Variants in ZNFX1 observed in about 807,000 individuals in gnomAD.
ZNFX1 encodes the protein NFX1-type zinc finger-containing protein 1.
ZNFX1 carries 78 observed loss-of-function variants against 179.8 expected under a neutral mutation model. The observed-to-expected ratio is 0.43, with a 90% CI of 0.36 to 0.52. The LOEUF (loss-of-function observed/expected upper bound fraction) is 0.52, where lower values mean the gene tolerates loss of function less well. Among genes scored for constraint, ZNFX1 ranks in the 20% least tolerant of loss-of-function variants. The pLI is 0.00. For missense variants in ZNFX1, 1,927 were observed against 2,386.6 expected (o/e 0.81, Z 4.01); for synonymous variants, 848 against 868.5 (o/e 0.98, Z 0.42).
At chr20:49,255,052 T>C (rs900714703) in intron 9 of ZNFX1, among the ~76,000 whole-genome samples, 1 of 151,432 alleles carries the variant, frequency 6.6e-6, no homozygotes, top group African/African-American at 2.4e-5. Context: ...CTTTTTTTTT[T>C]TTTTTTTTAA....
Position 49,255,885 on chromosome 20 carries a change from G to A in ZNFX1, c.2727C>T (p.Asn909=), listed in dbSNP as rs375973607. 3 of 1,614,184 alleles carry A rather than the reference G, an allele frequency of 1.9e-6. No individual in the cohort carries two copies. In the African/African-American group the frequency reaches 4.0e-5, roughly 22 times the overall value. Residue 909 remains asparagine, a synonymous_variant, in exon 9 of 14, where the codon AAC becomes AAT. Transcript: ENST00000396105. ...KRVKDELRKL[N]TMTAAEANEI... ...CGTTGGCCTCGGCTGCAGTCATGGT[G>A]TTCAGTTTGCGAAGCTCATCCTTCA... is the stretch of plus-strand genomic sequence containing the variant.
intron 11 of ZNFX1, 78 bp downstream of exon 11, chr20:49,253,588 A>G (rs1339855124): frequency 6.4e-7 from 1 of 1,567,642 alleles, no homozygotes; most frequent in Admixed American, 1.8e-5. Context: ...GGACTGTTGA[A>G]GCAGAGGCCA....
rs139644193 is a variant in ZNFX1 at position 49,249,611 on chromosome 20, A to G, written c.3413T>C (p.Val1138Ala). ...GCACAGGAAGTACTTGCACAGCTCT[A>G]CCACAAAGTGAGCCTCATGCTGGTT... ...HQNQHEAHFV[V>A]ELCKYFLCQE... The change falls in exon 14 of 14, where the codon GTA becomes GCA. Residue 1138 changes from valine to alanine, a missense_variant. Val to Ala is a moderately conservative substitution (Grantham distance 64). Transcript: ENST00000396105. 33 of 1,614,114 alleles carry G rather than the reference A, an allele frequency of 2.0e-5. No homozygotes were observed. In the East Asian group the frequency reaches 6.0e-4, roughly 29 times the overall value.
intron 2 of ZNFX1, among the ~76,000 whole-genome samples, chr20:49,273,154 A>C (rs950500170): frequency 2.0e-5 from 3 of 151,944 alleles, no homozygotes; most frequent in African/African-American, 7.3e-5. Flanking sequence ...ATTTTTTGAG[A>C]GGGAGTCTGG....
chr20:49,271,506 G>A lies in ZNFX1; in HGVS notation c.306C>T (p.Asp102=). 2 of 1,614,168 alleles carry A rather than the reference G, an allele frequency of 1.2e-6. No homozygotes were observed. Among genetic ancestry groups the A allele is most frequent in the Non-Finnish European group, 1.7e-6 (2 of 1,180,022 alleles). The stretch of plus-strand genomic sequence containing the variant: ...CCTGGTTGCCATTTCTCCACCTGGT[G>A]TCATTCTCCTGGTCATGTCTTTGGT... The part of the protein sequence containing the change: ...ARDQRHDQEN[D]TRWRNGNQDC... Residue 102 remains aspartate (D), a synonymous_variant, in exon 3 of 14, where the codon GAC becomes GAT. Coordinates refer to ENST00000396105, the MANE Select transcript of ZNFX1 (RefSeq NM_021035.3).
chr20:49,264,738 T>G lies in ZNFX1; in HGVS notation c.2129A>C (p.His710Pro). 1 of 1,614,004 alleles carries G rather than the reference T, an allele frequency of 6.2e-7. No individual in the cohort carries two copies. ...TACACTCATGTAGGCCCTTCGGAGGTGCATGGGGAGGTTGCGGCGGAATTC... is the reference window on the plus strand; with the variant it reads ...TACACTCATGTAGGCCCTTCGGAGGGGCATGGGGAGGTTGCGGCGGAATTC... ...KREFRRNLPM[H>P]LRRAYMSIMT... The change falls in exon 5 of 14, where the codon CAC becomes CCC. Residue 710 changes from histidine (H) to proline (P), a missense_variant. Physicochemically the swap from His to Pro is moderately conservative, Grantham distance 77. Coordinates refer to ENST00000396105, the MANE Select transcript of ZNFX1 (RefSeq NM_021035.3).
intron 12 of ZNFX1, among the ~76,000 whole-genome samples, chr20:49,251,988 C>T (rs957658992): frequency 3.3e-5 from 5 of 151,892 alleles, no homozygotes; most frequent in African/African-American, 4.8e-5. Flanking sequence ...TGAGGCACCA[C>T]GCCTGGCTAA....
chr20:49,247,014 G>T lies in ZNFX1; in HGVS notation c.*253C>A. Reference sequence around the variant, plus strand: ...CTCCCAAGTAGCTGGGATTACAGGCGCCCGCCATAACGCCCAGCTAATTTT... The same window carrying T: ...CTCCCAAGTAGCTGGGATTACAGGCTCCCGCCATAACGCCCAGCTAATTTT... On this transcript the variant is annotated 3_prime_UTR_variant, in exon 14 of 14. Coordinates refer to ENST00000396105, the MANE Select transcript of ZNFX1 (RefSeq NM_021035.3). 11 of 456,590 alleles carry T rather than the reference G, an allele frequency of 2.4e-5. No homozygotes were observed. The highest frequency in any genetic ancestry group is 2.3e-4 in the South Asian group (11 of 48,680). The allele number at this position is 456,590 out of a possible 1,614,324, so 28.3% of individuals were successfully genotyped here. A position where few individuals can be genotyped will look rare whatever the true frequency, so the allele number is the denominator to read the frequency against.
rs1457196193 is a variant in ZNFX1, at chr20:49,266,365, A to G, written c.1871-99T>C. The G allele has an allele frequency of 8.0e-6, 9 of 1,128,596 alleles. No individual in the cohort carries two copies. In the East Asian group the frequency reaches 1.9e-4, roughly 23 times the overall value. 69.9% of individuals were successfully genotyped at this position (1,128,596 alleles called of 1,614,324 possible). On this transcript the variant is annotated intron_variant, in intron 3 of 13. Transcript: ENST00000396105. The stretch of plus-strand genomic sequence containing the variant: ...TTTTTTAAATTTAATATAATACATT[A>G]AGATAGTTTAAAATCTAAGAAGCGT...
chr20:49,247,448 T>C lies in ZNFX1; in HGVS notation c.5576A>G (p.Asp1859Gly), dbSNP rs1568980071. 1.9e-6 allele frequency: 3 copies of C among 1,613,978 alleles called. No homozygotes were observed. Among genetic ancestry groups the C allele is most frequent in the Admixed American group, 1.7e-5 (1 of 59,992 alleles). ...GCCCCTCTCCATGGCTCCCCCACAATCGCCAATCACATAGATATGGCCATT... is the reference window on the plus strand; with the variant it reads ...GCCCCTCTCCATGGCTCCCCCACAACCGCCAATCACATAGATATGGCCATT... ...CRNGHIYVIGDCGGAMERGTC... is the reference protein window; with the variant it reads ...CRNGHIYVIGGCGGAMERGTC... Residue 1859 changes from aspartate to glycine, a missense_variant, in exon 14 of 14, where the codon GAT becomes GGT. Physicochemically the swap from Asp to Gly is moderately conservative, Grantham distance 94. Transcript: ENST00000396105.
Position 49,247,506 on chromosome 20 carries a change from C to T in ZNFX1, c.5518G>A (p.Gly1840Ser). Residue 1840 changes from glycine to serine, a missense_variant, in exon 14 of 14, where the codon GGT (glycine) becomes AGT (serine). By Grantham distance (56) the Gly-to-Ser change is moderately conservative. Transcript: ENST00000396105. ...EERVQIVSAIGYPRGHWFKCR... is the reference protein window; with the variant it reads ...EERVQIVSAISYPRGHWFKCR... ...TTGAACCAGTGACCACGAGGATAAC[C>T]TATGGCACTGACAATCTGCACTCGC... The T allele has an allele frequency of 6.2e-7, 1 of 1,614,196 alleles. No homozygotes were observed. The highest frequency in any genetic ancestry group is 8.5e-7 in the Non-Finnish European group (1 of 1,180,038).
rs146010501 is a variant in ZNFX1, at chr20:49,264,725, G to A, written c.2142C>T (p.Ala714=). 3.2e-4 allele frequency: 522 copies of A among 1,613,930 alleles called. No homozygotes were observed. The highest frequency in any genetic ancestry group is 4.1e-4 in the Non-Finnish European group (488 of 1,180,030). Reference sequence around the variant, plus strand: ...CAGAGCTGGGACTTACACTCATGTAGGCCCTTCGGAGGTGCATGGGGAGGT... The same window carrying A: ...CAGAGCTGGGACTTACACTCATGTAAGCCCTTCGGAGGTGCATGGGGAGGT... ...RRNLPMHLRR[A]YMSIMTQMKE... Residue 714 remains alanine, a synonymous_variant, in exon 5 of 14, where the codon GCC becomes GCT. Coordinates refer to ENST00000396105, the MANE Select transcript of ZNFX1 (RefSeq NM_021035.3).
At chr20:49,251,421 G>T in intron 13 of ZNFX1, 106 bp downstream of exon 13, 1 of 939,346 alleles carries the variant, frequency 1.1e-6, no homozygotes. Context: ...GATTACAGGT[G>T]TGAGCCACCG....
intron 13 of ZNFX1, 44 bp from the exon 14 acceptor site, chr20:49,249,755 C>T (rs1980791605): frequency 2.6e-6 from 4 of 1,560,416 alleles, no homozygotes; most frequent in African/African-American, 1.4e-5. Context: ...TCACTCATGG[C>T]ACTTGTTTTT....
intron 2 of ZNFX1, among the ~76,000 whole-genome samples, chr20:49,274,110 C>T (rs955493824): frequency 6.6e-5 from 10 of 152,198 alleles, no homozygotes; most frequent in Non-Finnish European, 1.5e-5. Context: ...GAGTGATGGT[C>T]TTGGAACTAA....
Position 49,278,029 on chromosome 20 carries a change from G to C in ZNFX1, c.-57C>G, listed in dbSNP as rs1981636061. On this transcript the variant is annotated 5_prime_UTR_variant, in exon 1 of 14. Coordinates refer to ENST00000396105, the MANE Select transcript of ZNFX1 (RefSeq NM_021035.3). ...GTTGCGGGGCCACTCACCCGGCTCC[G>C]GCGCGTCCTTTCACTGCCGCCGGCG... 3 of 152,468 alleles carry C rather than the reference G, an allele frequency of 2.0e-5. No individual in the cohort carries two copies. Among genetic ancestry groups the C allele is most frequent in the Non-Finnish European group, 4.4e-5 (3 of 68,168 alleles). The allele number at this position is 152,468 out of a possible 1,614,324, so 9.4% of individuals were successfully genotyped here.
chr20:49,247,391 C>T lies in ZNFX1; in HGVS notation c.5633G>A (p.Gly1878Asp). Residue 1878 changes from glycine (G) to aspartate (D), a missense_variant, in exon 14 of 14, where the codon GGC becomes GAC. By Grantham distance (94) the Gly-to-Asp change is moderately conservative. Transcript: ENST00000396105. ...TCPDCKEVIG[G>D]TNHTLERSNQ... ...GCTTCTTTCCAGAGTATGATTTGTG[C>T]CACCAATCACTTCCTTACAGTCAGG... The T allele has an allele frequency of 1.2e-6, 2 of 1,614,158 alleles. No individual in the cohort carries two copies. The highest frequency in any genetic ancestry group is 1.7e-6 in the Non-Finnish European group (2 of 1,180,038).
chr20:49,250,492 A>T (rs989327808), intron 13 of ZNFX1, among the ~76,000 whole-genome samples: 21 of 152,316 alleles, frequency 1.4e-4, no homozygotes, highest in South Asian at 6.2e-4. Flanking sequence ...ATTTATTTTA[A>T]AAAAAGAGAC....
intron 3 of ZNFX1, 92 bp downstream of exon 3, chr20:49,269,850 T>C: frequency 4.2e-6 from 6 of 1,429,578 alleles, no homozygotes; most frequent in Non-Finnish European, 5.6e-6. Flanking sequence ...AATAAGTAAA[T>C]AAGAAGACAT....
Sources: allele counts gnomAD v4.1 joint callset (sites outside exome capture counted in the v4.1 genomes callset), GRCh38; gene constraint gnomAD v4.1.1; transcripts MANE v1.5; gene names NCBI Gene and HGNC (gene_info 2026-07-23, HGNC 2026-07-21).